Variants in BBS9 observed in about 807,000 individuals in gnomAD.
The protein encoded by BBS9 is Bardet-Biedl syndrome 9.
In BBS9, 89 loss-of-function variants were observed where a neutral mutation model predicts 117.7. The ratio of observed to expected loss-of-function variants is 0.76; its 90% CI spans 0.64 to 0.90. BBS9 has a LOEUF of 0.90. BBS9 is among the 40% of genes least tolerant of loss of function. The probability of loss-of-function intolerance (pLI) is 0.00; values close to 1 mark genes in which losing one functional copy is unlikely to be tolerated. For missense variants in BBS9, 982 were observed against 1,042.2 expected, an observed-to-expected ratio of 0.94 and a Z score of 0.80; for synonymous variants, 379 against 370.9, an observed-to-expected ratio of 1.02 and a Z score of -0.25.
rs111704277 is a variant in BBS9, at chr7:33,587,658, C to T, written c.2522-17207C>T. The stretch of plus-strand genomic sequence containing the variant: ...GACAATTGCAAGGGAGTCTTAGTAC[C>T]ATAGTTTGGACAAAACCTGACTTTT... On this transcript the variant is annotated intron_variant, in intron 21 of 22. Transcript: ENST00000242067. Among the ~76,000 whole-genome samples the T allele has an allele frequency of 2.2e-3, 342 of 152,048 alleles. 3 individuals are homozygous for T. Among genetic ancestry groups the T allele is most frequent in the African/African-American group, 7.8e-3 (325 of 41,490 alleles).
chr7:33,572,039 G>C (rs957358014), intron 21 of BBS9, among the ~76,000 whole-genome samples: 4 of 151,776 alleles, frequency 2.6e-5, no homozygotes, highest in Admixed American at 1.3e-4. Flanking sequence ...CTTATTCCCT[G>C]TATCTAGTTG....
In BBS9 at chr7:33,605,002, C is replaced by T. The variant is rs376652810; in HGVS notation, c.2632+27C>T. Reference sequence around the variant, plus strand: ...TAAGAGACTGGATGGCCTTCACAAGCGTTAGTTAAGTCAGAAGCAGTGACA... The same window carrying T: ...TAAGAGACTGGATGGCCTTCACAAGTGTTAGTTAAGTCAGAAGCAGTGACA... On this transcript the variant is annotated intron_variant, in intron 22 of 22. Coordinates refer to ENST00000242067, the MANE Select transcript of BBS9 (RefSeq NM_198428.3). 6.5e-4 allele frequency: 1,020 copies of T among 1,560,392 alleles called. 1 individual carries two copies. The highest frequency in any genetic ancestry group is 8.2e-4 in the Admixed American group (49 of 59,790).
rs574215058 is a variant in BBS9, at chr7:33,623,087, AGACACT to A, written c.2522-12089_2522-12084del. 9.5e-4 allele frequency among the ~76,000 whole-genome samples: 144 copies of A among 152,304 alleles called. 1 individual carries two copies. The Middle Eastern group carries it at 0.01, about 11-fold the overall frequency. ...AAATTAAGAATTTATAGTCATCAAA[AGACACT>A]ATAAGAAAAGATAAAAATCATGTCA... On this transcript the variant is annotated intron_variant, in intron 21 of 21. Coordinates refer to the BBS9 transcript ENST00000671952.
At chr7:33,463,902 A>C (rs548956101) in intron 19 of BBS9, among the ~76,000 whole-genome samples, 1 of 152,232 alleles carries the variant, frequency 6.6e-6, no homozygotes, top group East Asian at 1.9e-4. Context: ...CTTTAAAATA[A>C]TGTAATATTT....
chr7:33,226,539 G>T (rs1247238136), intron 5 of BBS9, among the ~76,000 whole-genome samples: 1 of 152,160 alleles, frequency 6.6e-6, no homozygotes, highest in African/African-American at 2.4e-5. Flanking sequence ...TCCACTCTGT[G>T]TATATGTCCA....
rs891907265 is a variant in BBS9, at chr7:33,531,562, G to A, written c.2299-2392G>A. On this transcript the variant is annotated intron_variant, in intron 20 of 22. Transcript: ENST00000242067. ...TCATTCAAAGAAGAGTGGTCAGGAT[G>A]GAGAAAAAACTTGAAACTCAGTTTA... is the stretch of plus-strand genomic sequence containing the variant. Among the ~76,000 whole-genome samples the A allele has an allele frequency of 6.6e-5, 10 of 152,132 alleles. 1 individual carries two copies. Among genetic ancestry groups the A allele is most frequent in the African/African-American group, 2.4e-4 (10 of 41,432 alleles).
chr7:33,274,556 A>G (rs1327472443), intron 9 of BBS9, among the ~76,000 whole-genome samples: 2 of 152,264 alleles, frequency 1.3e-5, no homozygotes, highest in Non-Finnish European at 2.9e-5. Context: ...AAAAACTGAG[A>G]TGCCGATGAA....
At chr7:33,632,080 G>C (rs1865916567) in intron 21 of BBS9, among the ~76,000 whole-genome samples, 1 of 152,164 alleles carries the variant, frequency 6.6e-6, no homozygotes, top group African/African-American at 2.4e-5. Flanking sequence ...GGGCCAGACT[G>C]GTGTGCCAGG....
At chr7:33,493,155 C>A (rs535545165) in intron 19 of BBS9, among the ~76,000 whole-genome samples, 6 of 151,984 alleles carry the variant, frequency 3.9e-5, no homozygotes, top group Non-Finnish European at 7.4e-5. Flanking sequence ...CCACTATGCC[C>A]GGCTAATTTT....
chr7:33,413,092 A>G (rs1453649130), intron 19 of BBS9, among the ~76,000 whole-genome samples: 3 of 152,206 alleles, frequency 2.0e-5, no homozygotes, highest in Admixed American at 6.5e-5. Context: ...AACACTGGGT[A>G]ATGAGTTAGA....
intron 12 of BBS9, 128 bp downstream of exon 12, chr7:33,344,762 C>T: frequency 1.0e-6 from 1 of 997,784 alleles, no homozygotes. Flanking sequence ...GTAGATTTTT[C>T]CCCAGCCTTG....
chr7:33,441,703 G>A (rs1836219852), intron 19 of BBS9, among the ~76,000 whole-genome samples: 1 of 152,030 alleles, frequency 6.6e-6, no homozygotes, highest in Non-Finnish European at 1.5e-5. Context: ...ACTAATGTAT[G>A]CTTTCATGAC....
In BBS9 at chr7:33,620,020, G is replaced by A. The variant is rs538659768; in HGVS notation, c.2522-15157G>A. On this transcript the variant is annotated intron_variant, in intron 21 of 21. Coordinates refer to the BBS9 transcript ENST00000671952. ...AAAGATCCGAGCAGAAATACATAGA[G>A]ACTAGAAAAATAATAGAAAAGATCA... Among the ~76,000 whole-genome samples the A allele has an allele frequency of 6.6e-5, 10 of 151,988 alleles. No individual in the cohort carries two copies. The South Asian group carries it at 2.1e-3, about 32-fold the overall frequency.
Position 33,273,068 on chromosome 7 carries a change from C to T in BBS9, c.759C>T (p.Phe253=), listed in dbSNP as rs1441417193. The change falls in exon 8 of 23, where the codon TTC becomes TTT. Residue 253 remains phenylalanine (F), a synonymous_variant. Coordinates refer to ENST00000242067, the MANE Select transcript of BBS9 (RefSeq NM_198428.3). The part of the protein sequence containing the change: ...EQALDICIVS[F]NQSASSVFVL... ...CCCTTGACATATGTATTGTCTCTTT[C>T]AATCAGTCGGCATCCTCTGTTTTTG... The T allele has an allele frequency of 1.2e-6, 2 of 1,613,550 alleles. No homozygotes were observed. Among genetic ancestry groups the T allele is most frequent in the East Asian group, 4.5e-5 (2 of 44,822 alleles).
chr7:33,547,897 A>C lies in BBS9; in HGVS notation c.2521+13721A>C, dbSNP rs138165721. On this transcript the variant is annotated intron_variant, in intron 21 of 22. Coordinates refer to ENST00000242067, the MANE Select transcript of BBS9 (RefSeq NM_198428.3). ...GTAACAGGGAGTCCATAATGAGATGAATGGAAGATTAGTGGAAAAATATTT... is the reference window on the plus strand; with the variant it reads ...GTAACAGGGAGTCCATAATGAGATGCATGGAAGATTAGTGGAAAAATATTT... Among the ~76,000 whole-genome samples the C allele has an allele frequency of 2.6e-5, 4 of 152,320 alleles. No homozygotes were observed. In the East Asian group the frequency reaches 7.7e-4, roughly 29 times the overall value.
chr7:33,172,891 C>T (rs963812833), intron 4 of BBS9, among the ~76,000 whole-genome samples: 4 of 152,060 alleles, frequency 2.6e-5, no homozygotes, highest in African/African-American at 9.7e-5. Flanking sequence ...CAGAAAGGCA[C>T]CTTAATCAAA....
chr7:33,354,355 T>C (rs1231304712), intron 15 of BBS9, among the ~76,000 whole-genome samples: 1 of 152,158 alleles, frequency 6.6e-6, no homozygotes, highest in Non-Finnish European at 1.5e-5. Context: ...TGCTTTTATA[T>C]GTGGAAAAAG....
At chr7:33,228,199 G>T (rs1011322002) in intron 5 of BBS9, among the ~76,000 whole-genome samples, 5 of 152,050 alleles carry the variant, frequency 3.3e-5, no homozygotes, top group Admixed American at 1.3e-4. Context: ...ATATCTCATT[G>T]TGGTTTTAAT....
At chr7:33,371,118 C>A (rs1047737974) in intron 17 of BBS9, among the ~76,000 whole-genome samples, 1 of 152,064 alleles carries the variant, frequency 6.6e-6, no homozygotes, top group Non-Finnish European at 1.5e-5. Context: ...TGAGGAGATG[C>A]ACACCCTTTA....
Sources: gnomAD v4.1 joint callset for allele counts (sites outside exome capture counted in the v4.1 genomes callset) on GRCh38, gnomAD v4.1.1 for gene constraint, MANE v1.5 for transcripts, NCBI Gene and HGNC (gene_info 2026-07-23, HGNC 2026-07-21) for gene names.